The following NOL4 variants were observed in gnomAD, a reference collection of about 807,000 sequenced individuals.
NOL4 encodes the protein nucleolar protein 4.
Under a neutral mutation model 75.9 loss-of-function variants are expected in NOL4, and 17 were observed. The observed-to-expected ratio is 0.22, with a 90% CI of 0.15 to 0.34. NOL4 has a LOEUF of 0.34. Ranked by LOEUF, NOL4 falls within the 10% of genes least tolerant of loss-of-function variation. The pLI is 1.00. For missense variants in NOL4, 614 were observed against 793.5 expected (o/e 0.77, Z 2.72); for synonymous variants, 292 against 289.9 (o/e 1.01, Z -0.07).
chr18:34,093,787 C>G (rs1351764692), intron 4 of NOL4, among the ~76,000 whole-genome samples, 190 bp from the exon 5 acceptor site: 1 of 152,144 alleles, frequency 6.6e-6, no homozygotes, highest in Non-Finnish European at 1.5e-5. Flanking sequence ...GGTCTGTAAT[C>G]CCAGCACTTT....
At chr18:34,100,440 G>A (rs1438398289) in intron 4 of NOL4, among the ~76,000 whole-genome samples, 1 of 152,002 alleles carries the variant, frequency 6.6e-6, no homozygotes, top group Non-Finnish European at 1.5e-5. Context: ...CATAAAAACT[G>A]CTCTTGTAAA....
chr18:34,050,124 A>G (rs2076568407), intron 5 of NOL4, among the ~76,000 whole-genome samples: 1 of 152,118 alleles, frequency 6.6e-6, no homozygotes. Context: ...TATCTCCAGG[A>G]TACATATGTA....
intron 1 of NOL4, among the ~76,000 whole-genome samples, chr18:34,144,424 G>C (rs771816986): frequency 2.6e-5 from 4 of 152,074 alleles, no homozygotes; most frequent in South Asian, 2.1e-4. Flanking sequence ...CAAAGAACAA[G>C]AACTCAAAAA....
intron 1 of NOL4, among the ~76,000 whole-genome samples, chr18:34,173,047 T>A (rs2146278095): frequency 6.6e-6 from 1 of 152,206 alleles, no homozygotes; most frequent in Admixed American, 6.5e-5. Flanking sequence ...TTTTTTTGCC[T>A]GTGTTTTTAT....
intron 5 of NOL4, among the ~76,000 whole-genome samples, chr18:34,063,863 C>A (rs1324350474): frequency 1.3e-5 from 2 of 151,896 alleles, no homozygotes; most frequent in Admixed American, 1.3e-4. Context: ...ATTATTTTCT[C>A]TCAAGGTGAT....
chr18:34,068,352 A>G (rs2077367731), intron 5 of NOL4, among the ~76,000 whole-genome samples: 1 of 152,128 alleles, frequency 6.6e-6, no homozygotes, highest in African/African-American at 2.4e-5. Flanking sequence ...TGAAGGAGGA[A>G]CAATGCTAAG....
chr18:33,954,939 AG>A (rs1412969345), intron 8 of NOL4, among the ~76,000 whole-genome samples: 2 of 152,094 alleles, frequency 1.3e-5, no homozygotes, highest in African/African-American at 4.8e-5. Flanking sequence ...TTAAAAATAA[AG>A]ATTATAAATA....
chr18:33,879,909 T>TG (rs2144628170), intron 10 of NOL4, among the ~76,000 whole-genome samples: 1 of 152,186 alleles, frequency 6.6e-6, no homozygotes, highest in South Asian at 2.1e-4. Context: ...AAATGGTAAA[T>TG]GTACATTCAT....
At chr18:33,912,775 A>G (rs1006065427) in intron 9 of NOL4, among the ~76,000 whole-genome samples, 1 of 152,078 alleles carries the variant, frequency 6.6e-6, no homozygotes, top group African/African-American at 2.4e-5. Flanking sequence ...CTAAGATGAC[A>G]TTATAAATAT....
chr18:33,884,459 C>T (rs944925371), intron 9 of NOL4, among the ~76,000 whole-genome samples: 22 of 152,054 alleles, frequency 1.4e-4, no homozygotes, highest in African/African-American at 5.1e-4. Flanking sequence ...TCATTCTAAT[C>T]ATGTCAAACT....
At chr18:33,871,733 A>G (rs2144502782) in intron 10 of NOL4, among the ~76,000 whole-genome samples, 1 of 152,158 alleles carries the variant, frequency 6.6e-6, no homozygotes, top group East Asian at 1.9e-4. Context: ...TATCCATTTT[A>G]CTGTACAGTT....
Position 33,964,980 on chromosome 18 carries a change from A to C in NOL4, c.1057-6562T>G, listed in dbSNP as rs138143695. Among the ~76,000 whole-genome samples, 504 of 152,336 alleles carry C rather than the reference A, an allele frequency of 3.3e-3. 3 individuals carry two copies. Among genetic ancestry groups the C allele is most frequent in the African/African-American group, 0.011 (478 of 41,570 alleles). On this transcript the variant is annotated intron_variant, in intron 6 of 10. Coordinates refer to ENST00000261592, the MANE Select transcript of NOL4 (RefSeq NM_003787.5). ...CCCTTGCTTGTATTATGATTCAAAG[A>C]AACCCAAAGCAAGAGACATTTTTTG...
intron 5 of NOL4, among the ~76,000 whole-genome samples, chr18:34,075,077 G>GA (rs1159427748): frequency 6.6e-6 from 1 of 152,104 alleles, no homozygotes; most frequent in Admixed American, 6.5e-5. Context: ...TTCCAAGAGT[G>GA]AAAAAATTCT....
intron 2 of NOL4, among the ~76,000 whole-genome samples, chr18:34,126,093 T>C (rs2080375131): frequency 1.3e-5 from 2 of 152,132 alleles, no homozygotes; most frequent in Non-Finnish European, 2.9e-5. Flanking sequence ...GCTATGCTAA[T>C]TTTGCTGCCT....
chr18:33,908,675 T>C (rs888458975), intron 9 of NOL4, among the ~76,000 whole-genome samples: 1 of 152,150 alleles, frequency 6.6e-6, no homozygotes, highest in African/African-American at 2.4e-5. Flanking sequence ...ACTAAGGTAA[T>C]TAGATAAGCC....
chr18:34,164,021 G>A (rs921948940), intron 1 of NOL4, among the ~76,000 whole-genome samples: 7 of 152,134 alleles, frequency 4.6e-5, no homozygotes, highest in Admixed American at 4.6e-4. Context: ...ATGGTGCTGG[G>A]AAAACTGGCT....
Position 34,037,229 on chromosome 18 carries a change from T to G in NOL4, c.773-17628A>C, listed in dbSNP as rs553857611. Reference sequence around the variant, plus strand: ...CTTAACCAAGGAAGTGAAAGGTCTCTACAAGGAAAACTGCAAAACACTGAT... The same window carrying G: ...CTTAACCAAGGAAGTGAAAGGTCTCGACAAGGAAAACTGCAAAACACTGAT... On this transcript the variant is annotated intron_variant, in intron 5 of 10. Coordinates refer to ENST00000261592, the MANE Select transcript of NOL4 (RefSeq NM_003787.5). Among the ~76,000 whole-genome samples the G allele has an allele frequency of 3.9e-5, 6 of 152,218 alleles. No homozygotes were observed. In the East Asian group the frequency reaches 1.2e-3, roughly 29 times the overall value.
At chr18:34,148,561 G>A (rs1433205181) in intron 1 of NOL4, among the ~76,000 whole-genome samples, 1 of 152,000 alleles carries the variant, frequency 6.6e-6, no homozygotes, top group Non-Finnish European at 1.5e-5. Context: ...TAATTTGATT[G>A]CACTGTGGTC....
intron 1 of NOL4, among the ~76,000 whole-genome samples, chr18:34,193,287 A>C (rs1465479053): frequency 6.6e-6 from 1 of 152,188 alleles, no homozygotes; most frequent in Non-Finnish European, 1.5e-5. Context: ...AAGATCCTGC[A>C]CAGCCAAGGA....
Sources: gnomAD v4.1 joint callset for allele counts (sites outside exome capture counted in the v4.1 genomes callset) on GRCh38, gnomAD v4.1.1 for gene constraint, MANE v1.5 for transcripts, NCBI Gene and HGNC (gene_info 2026-07-23, HGNC 2026-07-21) for gene names.